Variants in STK32A observed in about 807,000 individuals in gnomAD.
The protein encoded by STK32A is serine/threonine kinase 32A, also known as serine/threonine-protein kinase 32A.
A neutral mutation model predicts 53.2 loss-of-function variants in STK32A; 41 were observed. The ratio of observed to expected loss-of-function variants is 0.77; its 90% CI spans 0.60 to 1.00. The LOEUF (loss-of-function observed/expected upper bound fraction) is 1.00. Ranked by LOEUF, STK32A falls within the 50% of genes least tolerant of loss-of-function variation. The pLI is 0.00. For synonymous variants in STK32A, 166 were observed against 162.8 expected, an observed-to-expected ratio of 1.02 and a Z score of -0.15; for missense variants, 458 against 485.8, an observed-to-expected ratio of 0.94 and a Z score of 0.54.
chr5:147,265,412 G>T (rs1754763601), intron 2 of STK32A, among the ~76,000 whole-genome samples: 1 of 151,842 alleles, frequency 6.6e-6, no homozygotes, highest in African/African-American at 2.4e-5. Flanking sequence ...CACTTGATTG[G>T]TTTCATTATT....
chr5:147,356,435 G>A (rs570340340), intron 7 of STK32A, among the ~76,000 whole-genome samples: 43 of 152,142 alleles, frequency 2.8e-4, no homozygotes, highest in African/African-American at 9.6e-4. Context: ...AGTATATATT[G>A]TTCTCACTTC....
At chr5:147,357,326 G>A (rs1756293444) in intron 7 of STK32A, among the ~76,000 whole-genome samples, 1 of 151,812 alleles carries the variant, frequency 6.6e-6, no homozygotes, top group African/African-American at 2.4e-5. Context: ...TCCCAAAAAA[G>A]GTAGGTAAAA....
intron 4 of STK32A, among the ~76,000 whole-genome samples, chr5:147,308,358 T>C (rs1753524849): frequency 1.3e-5 from 2 of 152,118 alleles, no homozygotes; most frequent in Admixed American, 6.5e-5. Flanking sequence ...TTGATGCTTA[T>C]ATACTAAAAT....
chr5:147,359,856 A>C (rs1236085989), intron 7 of STK32A, among the ~76,000 whole-genome samples: 1 of 152,158 alleles, frequency 6.6e-6, no homozygotes, highest in African/African-American at 2.4e-5. Flanking sequence ...ATTGGGATGT[A>C]AACACTCTAC....
downstream of STK32A, among the ~76,000 whole-genome samples, chr5:147,388,506 TAGC>T (rs1757727733): frequency 6.6e-6 from 1 of 152,196 alleles, no homozygotes; most frequent in African/African-American, 2.4e-5. Context: ...GCTGTGTGCT[TAGC>T]AGCCATCTGA....
downstream of STK32A, chr5:147,392,427 C>T (rs573291818): frequency 1.3e-5 from 2 of 152,320 alleles, no homozygotes; most frequent in African/African-American, 2.4e-5. Context: ...ATGGTTTCTC[C>T]TAAGCAATTA....
intron 7 of STK32A, 138 bp from the exon 8 acceptor site, chr5:147,361,379 T>A: frequency 1.5e-6 from 1 of 687,236 alleles, no homozygotes; most frequent in South Asian, 1.6e-5. Context: ...CTGTGAGCAA[T>A]CTAGCAACGG....
At chr5:147,306,911 T>C (rs892528985) in intron 4 of STK32A, among the ~76,000 whole-genome samples, 1 of 152,152 alleles carries the variant, frequency 6.6e-6, no homozygotes, top group Non-Finnish European at 1.5e-5. Context: ...CTACATGTAA[T>C]TGATACATTT....
chr5:147,257,431 A>G (rs1257585839), intron 2 of STK32A, among the ~76,000 whole-genome samples: 1 of 152,228 alleles, frequency 6.6e-6, no homozygotes, highest in Non-Finnish European at 1.5e-5. Context: ...CAAGGCAAGC[A>G]TTAAGTGCAA....
At chr5:147,375,250 G>T in intron 11 of STK32A, 32 bp downstream of exon 11, 1 of 1,603,446 alleles carries the variant, frequency 6.2e-7, no homozygotes, top group South Asian at 1.1e-5. Context: ...TCAGGGTCAT[G>T]GGTATCCCCA....
intron 2 of STK32A, among the ~76,000 whole-genome samples, chr5:147,276,578 T>C (rs1474146866): frequency 6.6e-6 from 1 of 152,160 alleles, no homozygotes; most frequent in Non-Finnish European, 1.5e-5. Context: ...TGCTAAGACC[T>C]GGCTAAGTGA....
At chr5:147,248,299 C>A (rs914677925) in intron 2 of STK32A, among the ~76,000 whole-genome samples, 16 of 152,012 alleles carry the variant, frequency 1.1e-4, no homozygotes, top group Admixed American at 9.8e-4. Flanking sequence ...AATACCCTGG[C>A]CTTACACCAA....
At chr5:147,379,441 A>G (rs1757368060) in intron 11 of STK32A, among the ~76,000 whole-genome samples, 3 of 152,006 alleles carry the variant, frequency 2.0e-5, no homozygotes, top group Admixed American at 2.0e-4. Context: ...TGGAGTTGGT[A>G]TGTGTACCAA....
intron 2 of STK32A, among the ~76,000 whole-genome samples, chr5:147,246,653 C>T (rs73327002): frequency 0.027 from 4,136 of 152,112 alleles, 173 homozygotes; most frequent in African/African-American, 0.093. Context: ...AACATCTTTC[C>T]ATTTATTTTT....
At chr5:147,308,500 T>C (rs1026337020) in intron 4 of STK32A, among the ~76,000 whole-genome samples, 2 of 151,260 alleles carry the variant, frequency 1.3e-5, no homozygotes, top group African/African-American at 2.4e-5. Flanking sequence ...TAGTGGCAGG[T>C]TCATTTCTTC....
At chr5:147,287,741 C>T (rs1419325244) in intron 4 of STK32A, among the ~76,000 whole-genome samples, 1 of 152,142 alleles carries the variant, frequency 6.6e-6, no homozygotes, top group Non-Finnish European at 1.5e-5. Context: ...TAGCAATCAT[C>T]AAATTGCCTT....
intron 2 of STK32A, among the ~76,000 whole-genome samples, chr5:147,274,605 G>T (rs923218896): frequency 6.6e-6 from 1 of 152,102 alleles, no homozygotes; most frequent in South Asian, 2.1e-4. Context: ...TAATACCCAG[G>T]TGCTACCATG....
intron 2 of STK32A, among the ~76,000 whole-genome samples, chr5:147,263,293 G>A (rs1294025652): frequency 6.6e-6 from 1 of 152,146 alleles, no homozygotes; most frequent in Non-Finnish European, 1.5e-5. Context: ...CAACATCCAG[G>A]CCGCAGCTAG....
chr5:147,314,498 C>CAAAAA (rs1171767950), intron 4 of STK32A, among the ~76,000 whole-genome samples: 13 of 10,616 alleles, frequency 1.2e-3, no homozygotes, highest in African/African-American at 8.0e-3. Context: ...AACTCCATAT[C>CAAAAA]AAAAAAAACA....
Sources: allele counts gnomAD v4.1 joint callset (sites outside exome capture counted in the v4.1 genomes callset), GRCh38; gene constraint gnomAD v4.1.1; transcripts MANE v1.5; gene names NCBI Gene and HGNC (gene_info 2026-07-23, HGNC 2026-07-21).